The following HSCB variants were observed in gnomAD, a reference collection of about 807,000 sequenced individuals.
The protein encoded by HSCB is HscB mitochondrial iron-sulfur cluster cochaperone.
HSCB carries 23 observed loss-of-function variants against 31.3 expected under a neutral mutation model. The ratio of observed to expected loss-of-function variants is 0.74; its 90% CI spans 0.53 to 1.04. The LOEUF is 1.04. Among genes scored for constraint, HSCB ranks in the 50% least tolerant of loss-of-function variants. The pLI, the probability that HSCB is intolerant of heterozygous loss-of-function variation, is 0.00. For synonymous variants in HSCB, 110 were observed against 104.5 expected (o/e 1.05, Z -0.32); for missense variants, 297 against 288.1 (o/e 1.03, Z -0.22).
intron 5 of HSCB, among the ~76,000 whole-genome samples, chr22:28,754,884 CT>C (rs1371308031): frequency 6.6e-6 from 1 of 150,756 alleles, no homozygotes; most frequent in Non-Finnish European, 1.5e-5. Flanking sequence ...CAACCTCAGC[CT>C]TTCGGTTTCA....
intron 4 of HSCB, among the ~76,000 whole-genome samples, chr22:28,749,190 CTT>C (rs1043427382): frequency 6.6e-6 from 1 of 151,918 alleles, no homozygotes; most frequent in Admixed American, 6.6e-5. Flanking sequence ...CTCTAAAACT[CTT>C]TAGCATCCCT....
chr22:28,744,090 C>T (rs2054642434), intron 2 of HSCB, 112 bp downstream of exon 2: 4 of 864,628 alleles, frequency 4.6e-6, no homozygotes, highest in African/African-American at 1.6e-5. Flanking sequence ...GCTGTGTCTG[C>T]CCCATGGCAG....
intron 4 of HSCB, 31 bp downstream of exon 4, chr22:28,746,039 C>A: frequency 6.3e-7 from 1 of 1,594,830 alleles, no homozygotes; most frequent in South Asian, 1.1e-5. Context: ...GAATGTATTT[C>A]ATTGCTGTTA....
At chr22:28,747,734 T>C (rs1001488676) in intron 4 of HSCB, among the ~76,000 whole-genome samples, 1 of 152,318 alleles carries the variant, frequency 6.6e-6, no homozygotes, top group Admixed American at 6.5e-5. Flanking sequence ...TTCACAAATA[T>C]TTGTAGTGTA....
At chr22:28,754,742 A>G (rs2030485621) in intron 5 of HSCB, among the ~76,000 whole-genome samples, 1 of 152,072 alleles carries the variant, frequency 6.6e-6, no homozygotes, top group Admixed American at 6.6e-5. Context: ...ATGTCATTGA[A>G]CTGTACACTT....
Position 28,757,167 on chromosome 22 carries a change from T to C in HSCB, c.706T>C (p.Ter236GlnextTer5), listed in dbSNP as rs2030663831. Residue 236 changes from the stop codon to glutamine, a stop_lost, in exon 6 of 6, where the codon TAA becomes CAA. Transcript: ENST00000216027. ...GATCAAGTTAAAGAAGATTCCCCTT[T>C]AATTGTGGATAGTTTAAAGTTTAAA... Reference protein sequence around the residue: ...EKIKLKKIPL* With the variant: ...EKIKLKKIPLQ 1 of 1,428,544 alleles carries C rather than the reference T, an allele frequency of 7.0e-7. No individual in the cohort carries two copies. Among genetic ancestry groups the C allele is most frequent in the Admixed American group, 1.7e-5 (1 of 59,388 alleles). 88.5% of individuals were successfully genotyped at this position (1,428,544 alleles called of 1,614,324 possible). A position where few individuals can be genotyped will look rare whatever the true frequency, so the allele number is the denominator to read the frequency against.
At chr22:28,753,189 CTT>C (rs1453637770) in intron 5 of HSCB, among the ~76,000 whole-genome samples, 3 of 152,004 alleles carry the variant, frequency 2.0e-5, no homozygotes, top group African/African-American at 4.8e-5. Context: ...AAAATTAAAA[CTT>C]ATTTTTTAAA....
At position 28,757,198 on chromosome 22, in the gene HSCB, A is replaced by G. The variant is rs1216090435; in HGVS notation, c.*29A>G. On this transcript the variant is annotated 3_prime_UTR_variant, in exon 6 of 6. Transcript: ENST00000216027. ...TGGATAGTTTAAAGTTTAAAAAATA[A>G]AGTTCTTGCTGGGCACAGTGGCTCA... The G allele has an allele frequency of 1.4e-5, 18 of 1,265,498 alleles. No individual in the cohort carries two copies. The highest frequency in any genetic ancestry group is 2.1e-5 in the Non-Finnish European group (18 of 869,354). 78.4% of individuals were successfully genotyped at this position (1,265,498 alleles called of 1,614,324 possible).
intron 5 of HSCB, among the ~76,000 whole-genome samples, chr22:28,752,363 G>A (rs757841680): frequency 3.3e-4 from 49 of 146,540 alleles, no homozygotes; most frequent in Non-Finnish European, 6.3e-4. Context: ...CCTGGGAGGC[G>A]GAGGCTGCAG....
chr22:28,750,945 C>CTTTTTTTTTTCTTTTTTTTTTTTTTTTT (rs2030189733), intron 4 of HSCB, among the ~76,000 whole-genome samples: 1 of 56,452 alleles, frequency 1.8e-5, no homozygotes, highest in Non-Finnish European at 3.2e-5. Flanking sequence ...ATATCTTTGT[C>CTTTTTTTTTTCTTTTTTTTTTTTTTTTT]TTTTTTTTTT....
At chr22:28,746,213 T>G (rs898896498) in intron 4 of HSCB, among the ~76,000 whole-genome samples, 13 of 151,658 alleles carry the variant, frequency 8.6e-5, no homozygotes, top group Non-Finnish European at 1.3e-4. Flanking sequence ...AAACCCTGTC[T>G]CTACTGAAAA....
chr22:28,747,302 T>G (rs891382162), intron 4 of HSCB, among the ~76,000 whole-genome samples: 1 of 152,098 alleles, frequency 6.6e-6, no homozygotes, highest in African/African-American at 2.4e-5. Context: ...TCTAAACTAG[T>G]TGGTTTTTGT....
At chr22:28,750,204 G>T (rs1268111534) in intron 4 of HSCB, among the ~76,000 whole-genome samples, 2 of 128,840 alleles carry the variant, frequency 1.6e-5, no homozygotes, top group Non-Finnish European at 3.1e-5. Context: ...AGCCGAGATC[G>T]CACCATTGCA....
chr22:28,754,248 T>C (rs999490587), intron 5 of HSCB, among the ~76,000 whole-genome samples: 2 of 152,212 alleles, frequency 1.3e-5, no homozygotes, highest in African/African-American at 2.4e-5. Context: ...ATTCCACTTA[T>C]ATGAGGTACC....
At position 28,749,704 on chromosome 22, in the gene HSCB, A is replaced by G. The variant is rs117569454; in HGVS notation, c.569-1537A>G. Among the ~76,000 whole-genome samples, 69 of 152,308 alleles carry G rather than the reference A, an allele frequency of 4.5e-4. 2 individuals are homozygous for G. In the East Asian group the frequency reaches 0.013, roughly 29 times the overall value. On this transcript the variant is annotated intron_variant, in intron 4 of 5. Coordinates refer to ENST00000216027, the MANE Select transcript of HSCB (RefSeq NM_172002.5). ...GTGAGGGGACCGTCAGCTTGGAGATATGTTCACAGCATTAGGACTGGGTTG... is the reference window on the plus strand; with the variant it reads ...GTGAGGGGACCGTCAGCTTGGAGATGTGTTCACAGCATTAGGACTGGGTTG...
In HSCB at chr22:28,742,074, G is replaced by T; in HGVS notation, c.-22G>T. On this transcript the variant is annotated 5_prime_UTR_variant, in exon 1 of 6. Transcript: ENST00000216027. ...TTTGCTTTTCCCCACGAGTGACCACGGCTAGATAGGCCGCCGGCCAGATGT... is the reference window on the plus strand; with the variant it reads ...TTTGCTTTTCCCCACGAGTGACCACTGCTAGATAGGCCGCCGGCCAGATGT... 6 of 1,594,844 alleles carry T rather than the reference G, an allele frequency of 3.8e-6. No individual in the cohort carries two copies. The highest frequency in any genetic ancestry group is 5.1e-6 in the Non-Finnish European group (6 of 1,171,990).
chr22:28,750,290 C>A (rs1471556445), intron 4 of HSCB, among the ~76,000 whole-genome samples: 1 of 148,380 alleles, frequency 6.7e-6, no homozygotes, highest in Non-Finnish European at 1.5e-5. Flanking sequence ...TTATTCTAGC[C>A]CTATAGTAAA....
In HSCB at chr22:28,743,887, G is replaced by T; in HGVS notation, c.242G>T (p.Arg81Leu). The change falls in exon 2 of 6, where the codon CGT becomes CTT. Residue 81 changes from arginine to leucine, a missense_variant. Transcript: ENST00000216027. ...ATCTCCCAATTTCCTTCCAGCAACC[G>T]TTCCTTCAGAGTTGATACAGCGAAG... is the stretch of plus-strand genomic sequence containing the variant. ...RDYFSLMDCNRSFRVDTAKLQ... is the reference protein window; with the variant it reads ...RDYFSLMDCNLSFRVDTAKLQ... The T allele has an allele frequency of 6.2e-7, 1 of 1,613,460 alleles. No individual in the cohort carries two copies. Among genetic ancestry groups the T allele is most frequent in the Non-Finnish European group, 8.5e-7 (1 of 1,179,574 alleles).
At chr22:28,749,042 G>A (rs540465508) in intron 4 of HSCB, among the ~76,000 whole-genome samples, 152 of 152,054 alleles carry the variant, frequency 1.0e-3, no homozygotes, top group African/African-American at 3.5e-3. Flanking sequence ...TCGAGAGGCT[G>A]AAGCAGAAGG....
Sources: gnomAD v4.1 joint callset for allele counts (sites outside exome capture counted in the v4.1 genomes callset) on GRCh38, gnomAD v4.1.1 for gene constraint, MANE v1.5 for transcripts, NCBI Gene and HGNC (gene_info 2026-07-23, HGNC 2026-07-21) for gene names.